NTRK1: variants seen among roughly 807,000 people sequenced by gnomAD.
NTRK1 encodes high affinity nerve growth factor receptor.
In NTRK1, 62 loss-of-function variants were observed where a neutral mutation model predicts 86.8. The ratio of observed to expected loss-of-function variants is 0.71; its 90% CI spans 0.58 to 0.88. The LOEUF (loss-of-function observed/expected upper bound fraction) is 0.88. Among genes scored for constraint, NTRK1 ranks in the 40% least tolerant of loss-of-function variants. The probability of loss-of-function intolerance (pLI) is 0.00; values close to 1 mark genes in which losing one functional copy is unlikely to be tolerated. For missense variants in NTRK1, 967 were observed against 1,078.4 expected, an observed-to-expected ratio of 0.90 and a Z score of 1.45; for synonymous variants, 469 against 456.6, an observed-to-expected ratio of 1.03 and a Z score of -0.35.
chr1:156,872,217 T>C (rs1348712729), intron 7 of NTRK1, among the ~76,000 whole-genome samples: 3 of 152,174 alleles, frequency 2.0e-5, no homozygotes, highest in African/African-American at 7.2e-5. Flanking sequence ...GAAATATACA[T>C]AGAAATGTGC....
chr1:156,874,011 A>G (rs1474101863), intron 8 of NTRK1, 52 bp downstream of exon 8: 3 of 1,522,354 alleles, frequency 2.0e-6, no homozygotes, highest in Non-Finnish European at 2.7e-6. Context: ...CTCCTGGGTT[A>G]CAGCCAACTT....
At chr1:156,866,367 CTGGGGGTG>C (rs1197924613) in intron 3 of NTRK1, among the ~76,000 whole-genome samples, 6 of 152,112 alleles carry the variant, frequency 3.9e-5, no homozygotes, top group Non-Finnish European at 8.8e-5. Context: ...AACGAGGGGG[CTGGGGGTG>C]TGGGGGTGTG....
rs549652989 is a variant in NTRK1, at chr1:156,849,262, G to A, written c.50+7069G>A. On this transcript the variant is annotated intron_variant, in intron 2 of 16. Transcript: ENST00000392302. ...GGGTCTCACAGGCGGCGCGGTCTCC[G>A]TTGGTGCGGGGGTTGATCTCAGCCT... The A allele has an allele frequency of 2.7e-5, 44 of 1,613,932 alleles. No homozygotes were observed. In the South Asian group the frequency reaches 4.8e-4, roughly 18 times the overall value.
chr1:156,831,643 G>T (rs1296807977), intron 1 of NTRK1, among the ~76,000 whole-genome samples: 1 of 152,132 alleles, frequency 6.6e-6, no homozygotes, highest in Admixed American at 6.5e-5. Flanking sequence ...AAACTGCTTG[G>T]TATCCTGGTG....
At chr1:156,832,753 C>T (rs949124114) in intron 1 of NTRK1, among the ~76,000 whole-genome samples, 1 of 152,180 alleles carries the variant, frequency 6.6e-6, no homozygotes, top group African/African-American at 2.4e-5. Flanking sequence ...AGGGAAGCAT[C>T]GAGATCCGAG....
chr1:156,850,444 G>A (rs908017939), intron 2 of NTRK1, among the ~76,000 whole-genome samples: 2 of 147,870 alleles, frequency 1.4e-5, no homozygotes, highest in African/African-American at 2.5e-5. Context: ...ACTCCTGACC[G>A]CATGGTGATC....
Position 156,876,106 on chromosome 1 carries a change from A to T in NTRK1, c.1528A>T (p.Ile510Phe), listed in dbSNP as rs781478411. The change falls in exon 13 of 17, where the codon ATC (isoleucine) becomes TTC (phenylalanine). Residue 510 changes from isoleucine to phenylalanine, a missense_variant. By Grantham distance (21) the Ile-to-Phe change is conservative. This residue lies in a region of NTRK1 where 637 missense variants were observed against 776.5 expected (regional missense o/e 0.82). Coordinates refer to ENST00000524377, the MANE Select transcript of NTRK1 (RefSeq NM_002529.4). ...ACVHHIKRRD[I>F]VLKWELGEGA... ...TGTTCACCACATCAAGCGCCGGGAC[A>T]TCGTGCTCAAGTGGGAGCTGGGGGA... is the stretch of plus-strand genomic sequence containing the variant. 16 of 1,614,058 alleles carry T rather than the reference A, an allele frequency of 9.9e-6. No homozygotes were observed. Among genetic ancestry groups the T allele is most frequent in the Non-Finnish European group, 1.4e-5 (16 of 1,180,036 alleles).
chr1:156,832,622 C>G (rs1169236880), intron 1 of NTRK1, among the ~76,000 whole-genome samples: 1 of 152,120 alleles, frequency 6.6e-6, no homozygotes, highest in East Asian at 1.9e-4. Flanking sequence ...GCAAAGCCCT[C>G]TGGAGGATGG....
Position 156,874,415 on chromosome 1 carries a change from G to A in NTRK1, c.1195+15G>A, listed in dbSNP as rs1478532249. ...CTCGCCGGTGGGTGAGTAGCCCAAGGTGGAGGGCAGGTTCTGCCTGGTCTC... is the reference window on the plus strand; with the variant it reads ...CTCGCCGGTGGGTGAGTAGCCCAAGATGGAGGGCAGGTTCTGCCTGGTCTC... On this transcript the variant is annotated intron_variant, in intron 9 of 16. Transcript: ENST00000524377. The A allele has an allele frequency of 6.2e-7, 1 of 1,614,080 alleles. No individual in the cohort carries two copies. The highest frequency in any genetic ancestry group is 2.2e-5 in the East Asian group (1 of 44,866).
intron 7 of NTRK1, 25 bp from the exon 8 acceptor site, chr1:156,873,607 CT>C: frequency 6.2e-7 from 1 of 1,604,806 alleles, no homozygotes; most frequent in Non-Finnish European, 8.5e-7. Context: ...CCCTGACCTC[CT>C]GCTGTTGCTC....
rs1364122495 is a variant in NTRK1, at chr1:156,868,765, T to G, written c.717+118T>G. On this transcript the variant is annotated intron_variant, in intron 6 of 16. Coordinates refer to ENST00000524377, the MANE Select transcript of NTRK1 (RefSeq NM_002529.4). ...ACAACGAATAAGGAGCACACTGAGG[T>G]TGAGGGACGGACAGAGATGGTTTAG... 6.9e-6 allele frequency: 10 copies of G among 1,443,452 alleles called. No homozygotes were observed. In the African/African-American group the frequency reaches 1.4e-4, roughly 20 times the overall value. The allele number at this position is 1,443,452 out of a possible 1,614,324, so 89.4% of individuals were successfully genotyped here. A position where few individuals can be genotyped will look rare whatever the true frequency, so the allele number is the denominator to read the frequency against.
Position 156,830,550 on chromosome 1 carries a change from CTTTTTTTTTTT to C in NTRK1, c.-63-11517_-63-11507del, listed in dbSNP as rs5778003. On this transcript the variant is annotated intron_variant, in intron 1 of 16. Transcript: ENST00000392302. ...TTTCTAGAAGAGAGGTTGTGGGATT[CTTTTTTTTTTT>C]TTTTTTTTTTTTTGAGACAGAGTCT... Among the ~76,000 whole-genome samples, 390 of 105,384 alleles carry C rather than the reference CTTTTTTTTTTT, an allele frequency of 3.7e-3. 2 individuals are homozygous for C. Among genetic ancestry groups the C allele is most frequent in the Non-Finnish European group, 6.0e-3 (322 of 53,406 alleles). The allele number at this position is 105,384 out of a possible 152,430, so 69.1% of individuals were successfully genotyped here.
In NTRK1 at chr1:156,879,384, C is replaced by T. The variant is rs6427335; in HGVS notation, c.2046+22C>T. 43 of 1,586,664 alleles carry T rather than the reference C, an allele frequency of 2.7e-5. No homozygotes were observed. The African/African-American group carries it at 4.3e-4, about 16-fold the overall frequency. ...CCGTGTAAGGGTCCTTTGTCCCCAA[C>T]GCCTTCCCCTGCATCCAAACTGTAG... On this transcript the variant is annotated intron_variant, in intron 15 of 16. Transcript: ENST00000524377.
rs142509391 is a variant in NTRK1, at chr1:156,821,183, G to A, written c.-64+5345G>A. Among the ~76,000 whole-genome samples, 1,086 of 152,134 alleles carry A rather than the reference G, an allele frequency of 7.1e-3. 15 individuals carry two copies. The highest frequency in any genetic ancestry group is 0.025 in the African/African-American group (1,047 of 41,482). On this transcript the variant is annotated intron_variant, in intron 1 of 16. Transcript: ENST00000392302. ...AGCAGCATTACTGACTTGTGTACAC[G>A]GATTTTGTATCCTAAGACTTTACTG... is the stretch of plus-strand genomic sequence containing the variant.
intron 1 of NTRK1, chr1:156,816,197 C>T: frequency 2.0e-6 from 3 of 1,478,468 alleles, no homozygotes; most frequent in Admixed American, 2.6e-5. Context: ...AGGGCTGGGA[C>T]AGTCTTAACG....
intron 1 of NTRK1, among the ~76,000 whole-genome samples, chr1:156,821,953 A>C (rs1233744711): frequency 6.6e-6 from 1 of 152,150 alleles, no homozygotes; most frequent in African/African-American, 2.4e-5. Context: ...TTTTAATCAG[A>C]AATAGAGGGG....
chr1:156,874,618 C>G lies in NTRK1; in HGVS notation c.1243C>G (p.Pro415Ala), dbSNP rs1647780092. 2 of 1,613,852 alleles carry G rather than the reference C, an allele frequency of 1.2e-6. No individual in the cohort carries two copies. The highest frequency in any genetic ancestry group is 1.7e-6 in the Non-Finnish European group (2 of 1,179,878). The change falls in exon 10 of 17, where the codon CCT (proline) becomes GCT (alanine). Residue 415 changes from proline to alanine, a missense_variant. Physicochemically the swap from Pro to Ala is conservative, Grantham distance 27. This residue lies in a region of NTRK1 where 637 missense variants were observed against 776.5 expected (regional missense o/e 0.82). Transcript: ENST00000524377. The part of the protein sequence containing the change: ...GDPVEKKDET[P>A]FGVSVAVGLA... ...CCCGGTGGAGAAGAAGGACGAAACA[C>G]CTTTTGGGGTGAGATAGGAAGTAGA...
At chr1:156,879,481 C>G in intron 15 of NTRK1, 119 bp downstream of exon 15, 1 of 1,354,522 alleles carries the variant, frequency 7.4e-7, no homozygotes, top group Non-Finnish European at 1.0e-6. Flanking sequence ...GATTCACTGG[C>G]TCTGGTTTTC....
At chr1:156,842,942 T>C in intron 2 of NTRK1, 3 of 1,337,312 alleles carry the variant, frequency 2.2e-6, no homozygotes, top group Non-Finnish European at 3.2e-6. Flanking sequence ...TGACCCTTTC[T>C]TTCTTACCAC....
Sources: gnomAD v4.1 joint callset for allele counts (sites outside exome capture counted in the v4.1 genomes callset) on GRCh38, gnomAD v4.1.1 for gene constraint, gnomAD v4.1.1 regional missense constraint, MANE v1.5 for transcripts, NCBI Gene and HGNC (gene_info 2026-07-23, HGNC 2026-07-21) for gene names.